Variants in BCL9 observed in about 807,000 individuals in gnomAD.
The protein encoded by BCL9 is BCL9 transcription coactivator, also known as B-cell CLL/lymphoma 9 protein.
Under a neutral mutation model 88.5 loss-of-function variants are expected in BCL9, and 25 were observed. The ratio of observed to expected loss-of-function variants is 0.28; its 90% CI spans 0.21 to 0.39. The LOEUF (loss-of-function observed/expected upper bound fraction) is 0.39, where lower values mean the gene tolerates loss of function less well. Ranked by LOEUF, BCL9 falls within the 10% of genes least tolerant of loss-of-function variation. The pLI is 1.00. For synonymous variants in BCL9, 711 were observed against 673.3 expected (o/e 1.06, Z -0.87); for missense variants, 1,817 against 1,877.8 (o/e 0.97, Z 0.60).
chr1:147,579,024 C>T (rs587770786), intron 1 of BCL9, among the ~76,000 whole-genome samples: 62 of 152,218 alleles, frequency 4.1e-4, no homozygotes, highest in Non-Finnish European at 3.5e-4. Flanking sequence ...TGCCACCACA[C>T]CCAGTTAATT....
At position 147,625,158 on chromosome 1, in the gene BCL9, G is replaced by T. The variant is rs1486589071; in HGVS notation, c.*199G>T. 11 of 606,650 alleles carry T rather than the reference G, an allele frequency of 1.8e-5. No homozygotes were observed. Among genetic ancestry groups the T allele is most frequent in the South Asian group, 1.8e-4 (5 of 28,298 alleles). The allele number at this position is 606,650 out of a possible 1,614,324, so 37.6% of individuals were successfully genotyped here. ...AATTATTCATTTAATCAACAGGTGT[G>T]TTTTTTTTAAGATTTATTTTTTAAA... On this transcript the variant is annotated 3_prime_UTR_variant, in exon 10 of 10. Transcript: ENST00000234739.
intron 1 of BCL9, among the ~76,000 whole-genome samples, chr1:147,587,753 G>A (rs1340172185): frequency 2.1e-5 from 3 of 139,678 alleles, no homozygotes; most frequent in Admixed American, 7.2e-5. Context: ...CTTGTAGTGA[G>A]GCCTGTGTGT....
At chr1:147,599,350 G>A (rs965549614) in intron 1 of BCL9, among the ~76,000 whole-genome samples, 22 of 152,236 alleles carry the variant, frequency 1.4e-4, no homozygotes, top group Non-Finnish European at 4.4e-5. Flanking sequence ...AAGGTGTGAG[G>A]AGGTGGCCTT....
chr1:147,566,416 C>A (rs965132933), intron 1 of BCL9, among the ~76,000 whole-genome samples: 9 of 152,062 alleles, frequency 5.9e-5, no homozygotes, highest in Non-Finnish European at 1.0e-4. Flanking sequence ...AAATAATATT[C>A]AAAATTACTT....
At chr1:147,595,728 G>C (rs1657017291) in intron 1 of BCL9, among the ~76,000 whole-genome samples, 1 of 151,950 alleles carries the variant, frequency 6.6e-6, no homozygotes, top group Admixed American at 6.6e-5. Context: ...TGGAAATTGA[G>C]GAAGAAAAGG....
At position 147,620,250 on chromosome 1, in the gene BCL9, C is replaced by T. The variant is rs1658546213; in HGVS notation, c.2095C>T (p.Pro699Ser). The stretch of plus-strand genomic sequence containing the variant: ...GGGTGACTTTCCAAAAGGAATTCCC[C>T]CACAGATGGGCCCTGGTCGGGAACT... Reference protein sequence around the residue: ...SRGDFPKGIPPQMGPGRELEF... With the variant: ...SRGDFPKGIPSQMGPGRELEF... The change falls in exon 8 of 10, where the codon CCA becomes TCA. Residue 699 changes from proline to serine, a missense_variant. Coordinates refer to ENST00000234739, the MANE Select transcript of BCL9 (RefSeq NM_004326.4). The T allele has an allele frequency of 6.2e-7, 1 of 1,614,044 alleles. No homozygotes were observed. The highest frequency in any genetic ancestry group is 1.7e-5 in the Admixed American group (1 of 60,004).
chr1:147,589,297 G>A (rs1031381785), intron 1 of BCL9, among the ~76,000 whole-genome samples: 17 of 152,036 alleles, frequency 1.1e-4, no homozygotes, highest in African/African-American at 4.1e-4. Context: ...GACCTCTTTT[G>A]TCTTCTACAA....
intron 2 of BCL9, among the ~76,000 whole-genome samples, chr1:147,606,451 A>G (rs1657716320): frequency 6.6e-6 from 1 of 152,208 alleles, no homozygotes; most frequent in East Asian, 1.9e-4. Flanking sequence ...AATGGAAAGA[A>G]GCAAAATTAT....
intron 1 of BCL9, among the ~76,000 whole-genome samples, chr1:147,563,269 G>A (rs1340801024): frequency 6.6e-6 from 1 of 152,102 alleles, no homozygotes; most frequent in African/African-American, 2.4e-5. Context: ...CTTTGTTTAT[G>A]TCGGCTCCTC....
chr1:147,588,175 A>G (rs150700737), intron 1 of BCL9, among the ~76,000 whole-genome samples: 4 of 152,254 alleles, frequency 2.6e-5, no homozygotes, highest in Non-Finnish European at 5.9e-5. Flanking sequence ...TCCATAATTG[A>G]AGGAAATGAT....
chr1:147,562,771 A>C (rs1351521533), intron 1 of BCL9, among the ~76,000 whole-genome samples: 1 of 152,182 alleles, frequency 6.6e-6, no homozygotes, highest in Non-Finnish European at 1.5e-5. Flanking sequence ...AGGAGTGTGG[A>C]CGGGGGGTGG....
chr1:147,605,501 G>A (rs1204005581), intron 2 of BCL9, among the ~76,000 whole-genome samples: 2 of 152,206 alleles, frequency 1.3e-5, no homozygotes, highest in Non-Finnish European at 2.9e-5. Context: ...AATTCATTTT[G>A]AATGCTTGAA....
chr1:147,599,045 GA>G (rs1657184771), intron 1 of BCL9, among the ~76,000 whole-genome samples: 1 of 152,180 alleles, frequency 6.6e-6, no homozygotes, highest in South Asian at 2.1e-4. Context: ...GAGGTCTTCC[GA>G]AAAATTAGGG....
chr1:147,559,783 C>T (rs1655290315), intron 1 of BCL9, among the ~76,000 whole-genome samples: 1 of 152,214 alleles, frequency 6.6e-6, no homozygotes, highest in Admixed American at 6.5e-5. Flanking sequence ...ACGGTACTCA[C>T]ACCCTTACTT....
At chr1:147,611,412 AG>A (rs1657995274) in intron 3 of BCL9, among the ~76,000 whole-genome samples, 165 bp from the exon 4 acceptor site, 1 of 152,058 alleles carries the variant, frequency 6.6e-6, no homozygotes, top group African/African-American at 2.4e-5. Flanking sequence ...GTGGCCCCTG[AG>A]CCTTTGTCCA....
chr1:147,551,009 T>G (rs1488810257), intron 1 of BCL9, among the ~76,000 whole-genome samples: 1 of 152,168 alleles, frequency 6.6e-6, no homozygotes, highest in Admixed American at 6.5e-5. Context: ...TGGGTAAAAT[T>G]CCACTTTTTG....
chr1:147,578,231 T>A (rs1349599974), intron 1 of BCL9, among the ~76,000 whole-genome samples: 1 of 152,150 alleles, frequency 6.6e-6, no homozygotes, highest in African/African-American at 2.4e-5. Context: ...CATGTGATAC[T>A]CATCTTATTG....
At chr1:147,596,879 G>A (rs1657080277) in intron 1 of BCL9, among the ~76,000 whole-genome samples, 1 of 152,126 alleles carries the variant, frequency 6.6e-6, no homozygotes, top group South Asian at 2.1e-4. Flanking sequence ...CAAGCAGCAG[G>A]AGCCCATGGA....
At chr1:147,602,445 C>T (rs1411361878) in intron 1 of BCL9, among the ~76,000 whole-genome samples, 3 of 151,872 alleles carry the variant, frequency 2.0e-5, no homozygotes, top group East Asian at 1.9e-4. Context: ...CTCCTGACCT[C>T]GTGATCCGCC....
Sources: gnomAD v4.1 joint callset for allele counts (sites outside exome capture counted in the v4.1 genomes callset) on GRCh38, gnomAD v4.1.1 for gene constraint, MANE v1.5 for transcripts, NCBI Gene and HGNC (gene_info 2026-07-23, HGNC 2026-07-21) for gene names.